Variants in TRAK1 observed in about 807,000 individuals in gnomAD.
TRAK1 encodes trafficking kinesin-binding protein 1.
TRAK1 carries 33 observed loss-of-function variants against 92.1 expected under a neutral mutation model. The ratio of observed to expected loss-of-function variants is 0.36; its 90% CI spans 0.27 to 0.48. TRAK1 has a LOEUF of 0.48. Among genes scored for constraint, TRAK1 ranks in the 20% least tolerant of loss-of-function variants. TRAK1 has a pLI of 0.99. For missense variants in TRAK1, 1,123 were observed against 1,257.9 expected (o/e 0.89, Z 1.62); for synonymous variants, 521 against 517.3 (o/e 1.01, Z -0.10).
At chr3:42,160,243 C>T in intron 2 of TRAK1, 1 of 1,521,974 alleles carries the variant, frequency 6.6e-7, no homozygotes. Flanking sequence ...CGGCCCAGGC[C>T]AGGGCGCAGT....
At chr3:42,129,516 A>G (rs1375909929) in intron 2 of TRAK1, among the ~76,000 whole-genome samples, 1 of 152,104 alleles carries the variant, frequency 6.6e-6, no homozygotes, top group East Asian at 1.9e-4. Flanking sequence ...TTGGGCATCC[A>G]CCTTTGCCAG....
chr3:42,120,955 A>G (rs1709770469), intron 1 of TRAK1, among the ~76,000 whole-genome samples: 1 of 152,200 alleles, frequency 6.6e-6, no homozygotes. Context: ...CCTGTTTAGA[A>G]CAAAAACTTC....
In TRAK1 at chr3:42,195,032, T is replaced by C. The variant is rs2290136; in HGVS notation, c.1113+91T>C. 6 of 1,497,570 alleles carry C rather than the reference T, an allele frequency of 4.0e-6. No individual in the cohort carries two copies. The East Asian group carries it at 1.4e-4, about 36-fold the overall frequency. The allele number at this position is 1,497,570 out of a possible 1,614,324, so 92.8% of individuals were successfully genotyped here. A position where few individuals can be genotyped will look rare whatever the true frequency, so the allele number is the denominator to read the frequency against. ...ACATTCTGGCCACTGGAGTTGGGTG[T>C]TCACAGTTCGCTTCTCGTTGTACAG... On this transcript the variant is annotated intron_variant, in intron 10 of 15. Transcript: ENST00000327628.
intron 1 of TRAK1, among the ~76,000 whole-genome samples, chr3:42,029,243 G>T (rs1194308458): frequency 2.6e-5 from 4 of 152,180 alleles, no homozygotes; most frequent in Non-Finnish European, 5.9e-5. Context: ...GGCGGGGACA[G>T]AGATCCAAAC....
intron 13 of TRAK1, among the ~76,000 whole-genome samples, chr3:42,204,796 G>A (rs943754751): frequency 1.3e-5 from 2 of 151,992 alleles, no homozygotes; most frequent in African/African-American, 2.4e-5. Flanking sequence ...TGCCTAGGCC[G>A]GTCTTGAACC....
intron 11 of TRAK1, 53 bp downstream of exon 11, chr3:42,199,306 G>A: frequency 1.3e-6 from 2 of 1,586,320 alleles, no homozygotes; most frequent in South Asian, 1.1e-5. Context: ...ACTTGGACCA[G>A]TGCAGTGTTC....
intron 1 of TRAK1, among the ~76,000 whole-genome samples, chr3:42,120,206 G>T (rs901634191): frequency 1.3e-5 from 2 of 152,182 alleles, no homozygotes; most frequent in African/African-American, 4.8e-5. Flanking sequence ...GGTTTGACAG[G>T]CTGGGGGTTG....
chr3:42,026,520 ATC>A (rs1701923549), intron 1 of TRAK1, among the ~76,000 whole-genome samples: 1 of 142,270 alleles, frequency 7.0e-6, no homozygotes, highest in African/African-American at 2.7e-5. Flanking sequence ...GAGATCAGTG[ATC>A]TCTTTTTTTT....
intron 5 of TRAK1, among the ~76,000 whole-genome samples, chr3:42,188,364 C>T (rs1404693756): frequency 6.6e-6 from 1 of 152,148 alleles, no homozygotes; most frequent in African/African-American, 2.4e-5. Context: ...TTTCCTGGGT[C>T]TTATTGCTTA....
intron 2 of TRAK1, chr3:42,160,307 C>A: frequency 6.3e-7 from 1 of 1,598,188 alleles, no homozygotes; most frequent in Non-Finnish European, 8.5e-7. Flanking sequence ...GGGTCGGGGG[C>A]ACCCCCAAGG....
At chr3:42,139,794 A>C (rs1576572335) in intron 2 of TRAK1, among the ~76,000 whole-genome samples, 1 of 152,286 alleles carries the variant, frequency 6.6e-6, no homozygotes, top group East Asian at 1.9e-4. Context: ...CAGGTGGGAA[A>C]TTGACATGAC....
At chr3:42,084,624 A>G (rs76813024), upstream of TRAK1, among the ~76,000 whole-genome samples, 325 of 151,854 alleles carry the variant, frequency 2.1e-3, no homozygotes, top group African/African-American at 7.7e-3. Flanking sequence ...GTGAATTCCC[A>G]TCCTGGACCC....
chr3:42,168,197 C>T (rs146975444), intron 2 of TRAK1, among the ~76,000 whole-genome samples: 8 of 152,206 alleles, frequency 5.3e-5, no homozygotes, highest in African/African-American at 1.9e-4. Flanking sequence ...AGATTAGTAC[C>T]TTTATGTGCT....
intron 2 of TRAK1, among the ~76,000 whole-genome samples, chr3:42,144,539 A>G (rs1284458581): frequency 6.6e-6 from 1 of 152,150 alleles, no homozygotes; most frequent in Admixed American, 6.5e-5. Context: ...GAAATCTGTT[A>G]TTTTTTACTT....
rs370817285 is a variant in TRAK1, at chr3:42,202,447, G to T, written c.1439G>T (p.Arg480Leu). Residue 480 changes from arginine to leucine, a missense_variant, in exon 13 of 16, where the codon CGG becomes CTG. Physicochemically the swap from Arg to Leu is moderately radical, Grantham distance 102 (BLOSUM62 -2). Transcript: ENST00000327628. The surrounding 1 kb of genome is among the most constrained non-coding windows in gnomAD (Gnocchi z 6.1). ...TEAADLGNDE[R>L]SKKPGTPGTP... ...CTTTCTTCTTCCAGAAACGATGAGC[G>T]GAGTAAGAAGCCGGGGACGCCGGGC... is the stretch of plus-strand genomic sequence containing the variant. 2.0e-6 allele frequency: 3 copies of T among 1,479,262 alleles called. No individual in the cohort carries two copies. Among genetic ancestry groups the T allele is most frequent in the African/African-American group, 2.8e-5 (2 of 70,920 alleles). The allele number at this position is 1,479,262 out of a possible 1,614,324, so 91.6% of individuals were successfully genotyped here.
chr3:42,115,458 T>G (rs972355923), intron 1 of TRAK1, among the ~76,000 whole-genome samples: 1 of 152,224 alleles, frequency 6.6e-6, no homozygotes, highest in African/African-American at 2.4e-5. Context: ...CTGGATTGGC[T>G]GTCTCTGTGC....
At chr3:42,027,925 C>T (rs1464241250) in intron 1 of TRAK1, among the ~76,000 whole-genome samples, 1 of 152,190 alleles carries the variant, frequency 6.6e-6, no homozygotes, top group African/African-American at 2.4e-5. Flanking sequence ...TCTTGGCTCA[C>T]TGCAACCTCC....
intron 1 of TRAK1, among the ~76,000 whole-genome samples, chr3:42,050,215 T>G (rs932872703): frequency 6.6e-6 from 1 of 152,050 alleles, no homozygotes; most frequent in African/African-American, 2.4e-5. Context: ...GGTCTTACAC[T>G]GCTAAGTATA....
intron 1 of TRAK1, among the ~76,000 whole-genome samples, chr3:42,044,344 T>A (rs115644579): frequency 0.02 from 2,979 of 152,222 alleles, 49 homozygotes; most frequent in Middle Eastern, 0.034. Context: ...GTATTCTTGG[T>A]AGAGACAGGG....
Sources: gnomAD v4.1 joint callset for allele counts (sites outside exome capture counted in the v4.1 genomes callset) on GRCh38, gnomAD v4.1.1 for gene constraint, Gnocchi (gnomAD v3.1) non-coding constraint, MANE v1.5 for transcripts, NCBI Gene and HGNC (gene_info 2026-07-23, HGNC 2026-07-21) for gene names.